The following BRPF1 variants were observed in gnomAD, a reference collection of about 807,000 sequenced individuals.
The protein encoded by BRPF1 is bromodomain and PHD finger containing 1, also known as peregrin.
Under a neutral mutation model 115.0 loss-of-function variants are expected in BRPF1, and 15 were observed. The observed-to-expected ratio is 0.13, with a 90% CI of 0.09 to 0.20. The LOEUF (loss-of-function observed/expected upper bound fraction) is 0.20. Among genes scored for constraint, BRPF1 ranks in the 10% least tolerant of loss-of-function variants. BRPF1 has a pLI of 1.00. For synonymous variants in BRPF1, 647 were observed against 619.8 expected (o/e 1.04, Z -0.65); for missense variants, 1,118 against 1,638.3 (o/e 0.68, Z 5.48).
Position 9,740,966 on chromosome 3 carries a change from C to T in BRPF1, c.1722+25C>T, listed in dbSNP as rs750973515. 1.1e-5 allele frequency: 18 copies of T among 1,599,584 alleles called. No homozygotes were observed. The South Asian group carries it at 1.9e-4, about 17-fold the overall frequency. On this transcript the variant is annotated intron_variant, in intron 4 of 13. Coordinates refer to ENST00000383829, the MANE Select transcript of BRPF1 (RefSeq NM_001003694.2). ...GGTACTGTGTCCAGTTCCCTGTGGG[C>T]TCTGGGAACTAGCGCCAGGGGGACG... is the stretch of plus-strand genomic sequence containing the variant.
In BRPF1 at chr3:9,738,983, C is replaced by G. The variant is rs368199249; in HGVS notation, c.600-16C>G. ...ATCTCAACCATGTGATGCTGAGTTC[C>G]CTGTTTGTACCGTAGGTACATCGAG... On this transcript the variant is annotated splice_polypyrimidine_tract_variant and intron_variant, in intron 2 of 13. Coordinates refer to ENST00000383829, the MANE Select transcript of BRPF1 (RefSeq NM_001003694.2). 40 of 1,527,870 alleles carry G rather than the reference C, an allele frequency of 2.6e-5. No homozygotes were observed. The highest frequency in any genetic ancestry group is 3.3e-5 in the Non-Finnish European group (38 of 1,137,526). 94.6% of individuals were successfully genotyped at this position (1,527,870 alleles called of 1,614,324 possible). A position where few individuals can be genotyped will look rare whatever the true frequency, so the allele number is the denominator to read the frequency against.
intron 6 of BRPF1, chr3:9,742,519 T>G (rs1391381193): frequency 1.0e-6 from 1 of 985,298 alleles, no homozygotes; most frequent in African/African-American, 1.7e-5. Flanking sequence ...AGGTCCTGAC[T>G]GGCAGACTCT....
rs2077077189 is a variant in BRPF1 at position 9,743,948 on chromosome 3, G to T, written c.2635+47G>T. 9 of 1,527,264 alleles carry T rather than the reference G, an allele frequency of 5.9e-6. No homozygotes were observed. The East Asian group carries it at 1.6e-4, about 27-fold the overall frequency. 94.6% of individuals were successfully genotyped at this position (1,527,264 alleles called of 1,614,324 possible). A position where few individuals can be genotyped will look rare whatever the true frequency, so the allele number is the denominator to read the frequency against. On this transcript the variant is annotated intron_variant, in intron 8 of 13. Coordinates refer to ENST00000383829, the MANE Select transcript of BRPF1 (RefSeq NM_001003694.2). The surrounding 1 kb of genome is among the most constrained non-coding windows in gnomAD (Gnocchi z 6.1). ...GGACCCCAAAGCAAGTCAGACTTTG[G>T]CTCTGCAGCACACACTCAACCCCTG...
chr3:9,747,349 A>T lies in BRPF1; in HGVS notation c.3663A>T (p.Ter1221CysextTer9). ...EQSSETSDSD[*>C] is the part of the protein sequence containing the mutation. The stretch of plus-strand genomic sequence containing the variant: ...GCAGTGAGACCAGCGATAGTGATTG[A>T]TACTGCTCAACACAGCCCAACCTAT... Residue 1221 changes from the stop codon to cysteine (C), a stop_lost, in exon 14 of 14, where the codon TGA (stop) becomes TGT (cysteine). Coordinates refer to ENST00000383829, the MANE Select transcript of BRPF1 (RefSeq NM_001003694.2). This position sits in a 1 kb window ranked among gnomAD's most constrained non-coding sequence, Gnocchi z 5.6. 1 of 1,613,396 alleles carries T rather than the reference A, an allele frequency of 6.2e-7. No homozygotes were observed. The highest frequency in any genetic ancestry group is 8.5e-7 in the Non-Finnish European group (1 of 1,179,758).
intron 6 of BRPF1, 141 bp downstream of exon 6, chr3:9,742,312 G>T: frequency 6.7e-7 from 1 of 1,492,184 alleles, no homozygotes; most frequent in Non-Finnish European, 8.9e-7. Context: ...GGAGCCACAT[G>T]TATCACCTGG....
Position 9,746,400 on chromosome 3 carries a change from A to G in BRPF1, c.3425A>G (p.Gln1142Arg), listed in dbSNP as rs780803261. The change falls in exon 13 of 14, where the codon CAG (glutamine) becomes CGG (arginine). Residue 1142 changes from glutamine (Q) to arginine (R), a missense_variant. Coordinates refer to ENST00000383829, the MANE Select transcript of BRPF1 (RefSeq NM_001003694.2). ...EVLKLGEQMT[Q>R]EAREHLYLVL... ...CTGAAACTTGGGGAGCAGATGACCC[A>G]GGAAGCCCGAGAGCATCTCTACCTC... is the stretch of plus-strand genomic sequence containing the variant. 6.2e-7 allele frequency: 1 copy of G among 1,609,116 alleles called. No homozygotes were observed. The highest frequency in any genetic ancestry group is 8.5e-7 in the Non-Finnish European group (1 of 1,176,472).
At position 9,743,482 on chromosome 3, in the gene BRPF1, C is replaced by G. The variant is rs1224363754; in HGVS notation, c.2312-96C>G. ...TTACAGCTGTTCCTGGTGAGAAGCC[C>G]AGGGGGGATGAGTGGGTTTCTTGCT... On this transcript the variant is annotated intron_variant, in intron 7 of 13. Transcript: ENST00000383829. This position sits in a 1 kb window ranked among gnomAD's most constrained non-coding sequence, Gnocchi z 6.1. The G allele has an allele frequency of 7.1e-7, 1 of 1,406,274 alleles. No individual in the cohort carries two copies. Among genetic ancestry groups the G allele is most frequent in the African/African-American group, 1.4e-5 (1 of 69,630 alleles). The allele number at this position is 1,406,274 out of a possible 1,614,324, so 87.1% of individuals were successfully genotyped here.
In BRPF1 at chr3:9,743,878, G is replaced by A; in HGVS notation, c.2612G>A (p.Ser871Asn). The change falls in exon 8 of 14, where the codon AGC (serine) becomes AAC (asparagine). Residue 871 changes from serine (S) to asparagine (N), a missense_variant. Transcript: ENST00000383829. The surrounding 1 kb of genome is among the most constrained non-coding windows in gnomAD (Gnocchi z 6.1). Reference protein sequence around the residue: ...DGQTDSAAEESSSQETSKGLG... With the variant: ...DGQTDSAAEENSSQETSKGLG... ...CAGACAGATAGTGCGGCAGAGGAGA[G>A]CAGCAGCCAGGAGACAAGCAAAGGT... 1 of 1,582,350 alleles carries A rather than the reference G, an allele frequency of 6.3e-7. No homozygotes were observed. Among genetic ancestry groups the A allele is most frequent in the South Asian group, 1.1e-5 (1 of 87,206 alleles).
In BRPF1 at chr3:9,734,473, C is replaced by T. The variant is rs958970931; in HGVS notation, c.333C>T (p.Ser111=). 6.2e-6 allele frequency: 10 copies of T among 1,614,158 alleles called. No individual in the cohort carries two copies. Among genetic ancestry groups the T allele is most frequent in the Non-Finnish European group, 8.5e-6 (10 of 1,180,036 alleles). Reference sequence around the variant, plus strand: ...TGCATGGCCGCGTCCACCGCATCAGCATCTTTGACAACCTGGATGTGGTGT... The same window carrying T: ...TGCATGGCCGCGTCCACCGCATCAGTATCTTTGACAACCTGGATGTGGTGT... ...VDLHGRVHRI[S]IFDNLDVVSE... The change falls in exon 2 of 14, where the codon AGC becomes AGT. Residue 111 remains serine, a synonymous_variant. Coordinates refer to ENST00000383829, the MANE Select transcript of BRPF1 (RefSeq NM_001003694.2). The surrounding 1 kb of genome is among the most constrained non-coding windows in gnomAD (Gnocchi z 5.7).
Position 9,739,375 on chromosome 3 carries a change from C to T in BRPF1, c.976C>T (p.Arg326Cys), listed in dbSNP as rs1385790156. The change falls in exon 3 of 14, where the codon CGT (arginine) becomes TGT (cysteine). Residue 326 changes from arginine (R) to cysteine (C), a missense_variant. Physicochemically the swap from Arg to Cys is radical, Grantham distance 180 (BLOSUM62 -3). Coordinates refer to ENST00000383829, the MANE Select transcript of BRPF1 (RefSeq NM_001003694.2). Reference protein sequence around the residue: ...LCRRCLQSPSRAVDCALCPNK... With the variant: ...LCRRCLQSPSCAVDCALCPNK... ...CCGCCGTTGCCTGCAGTCACCCTCT[C>T]GTGCTGTGGATTGTGCCCTGTGCCC... is the stretch of plus-strand genomic sequence containing the variant. The T allele has an allele frequency of 5.6e-6, 9 of 1,614,216 alleles. No individual in the cohort carries two copies. Among genetic ancestry groups the T allele is most frequent in the East Asian group, 2.2e-5 (1 of 44,878 alleles).
intron 6 of BRPF1, chr3:9,742,685 T>C (rs1255822936): frequency 1.8e-6 from 1 of 551,402 alleles, no homozygotes; most frequent in Non-Finnish European, 2.3e-6. Context: ...CTAGAAAGTA[T>C]ATTTGGCTCT....
intron 2 of BRPF1, among the ~76,000 whole-genome samples, chr3:9,736,101 G>A (rs1344074855): frequency 1.3e-5 from 2 of 150,518 alleles, no homozygotes; most frequent in African/African-American, 4.9e-5. Context: ...GACCTCCACT[G>A]GGTTCAAGCA....
rs199508235 is a variant in BRPF1, at chr3:9,745,824, G to A, written c.3218G>A (p.Ser1073Asn). The A allele has an allele frequency of 3.8e-5, 62 of 1,614,036 alleles. No individual in the cohort carries two copies. The South Asian group carries it at 4.6e-4, about 12-fold the overall frequency. ...CATTCCTGTGAAGTGGTAAGGAAGA[G>A]TCTGGGCCGGGGAGCTGGCTGGCTG... ...RGVGHSMVRKSLGRGAGWLSE... is the reference protein window; with the variant it reads ...RGVGHSMVRKNLGRGAGWLSE... Residue 1073 changes from serine to asparagine, a missense_variant, in exon 12 of 14, where the codon AGT becomes AAT. Ser to Asn is a conservative substitution (Grantham distance 46, BLOSUM62 1). This residue lies in a region of BRPF1 where 100 missense variants were observed against 109.9 expected (regional missense o/e 0.91). Transcript: ENST00000383829. The surrounding 1 kb of genome is among the most constrained non-coding windows in gnomAD (Gnocchi z 5.1).
Position 9,739,880 on chromosome 3 carries a change from TGAA to T in BRPF1, c.1486_1488del (p.Lys496del). On this transcript the variant is annotated inframe_deletion, in exon 3 of 14. Coordinates refer to ENST00000383829, the MANE Select transcript of BRPF1 (RefSeq NM_001003694.2). ...GCCAAGGCCAAGTCCCGGATCAAAA[TGAA>T]GAAGGCACGGAAGATCCTGGCAGAG... is the stretch of plus-strand genomic sequence containing the variant. The T allele has an allele frequency of 1.3e-6, 2 of 1,583,248 alleles. No individual in the cohort carries two copies. The highest frequency in any genetic ancestry group is 1.7e-6 in the Non-Finnish European group (2 of 1,164,728).
In BRPF1 at chr3:9,744,229, G is replaced by C; in HGVS notation, c.2641G>C (p.Gly881Arg). 2 of 1,530,694 alleles carry C rather than the reference G, an allele frequency of 1.3e-6. No homozygotes were observed. Among genetic ancestry groups the C allele is most frequent in the South Asian group, 1.3e-5 (1 of 78,336 alleles). 94.8% of individuals were successfully genotyped at this position (1,530,694 alleles called of 1,614,324 possible). Residue 881 changes from glycine to arginine, a missense_variant, in exon 9 of 14, where the codon GGT becomes CGT. Gly to Arg is a moderately radical substitution (Grantham distance 125). Around this residue, in one of 10 missense-constraint regions of BRPF1, gnomAD observed 223 missense variants for 240.7 expected, o/e 0.93. Transcript: ENST00000383829. ...TCTTTCTTTCTCTGCTCCAGGCCTG[G>C]GTCCCAACATGTCCTCAACCCCCGC... Reference protein sequence around the residue: ...SSSQETSKGLGPNMSSTPAHE... With the variant: ...SSSQETSKGLRPNMSSTPAHE...
At position 9,734,010 on chromosome 3, in the gene BRPF1, G is replaced by A. The variant is rs1575145784; in HGVS notation, c.-10-121G>A. ...AGATGGCATTTGGAGACACTGTAGA[G>A]GTAGGCTGGCCAGAATCTGGTGACT... is the stretch of plus-strand genomic sequence containing the variant. On this transcript the variant is annotated intron_variant, in intron 1 of 13. Transcript: ENST00000383829. This position sits in a 1 kb window ranked among gnomAD's most constrained non-coding sequence, Gnocchi z 5.7. 2 of 1,476,736 alleles carry A rather than the reference G, an allele frequency of 1.4e-6. No homozygotes were observed. Among genetic ancestry groups the A allele is most frequent in the East Asian group, 4.6e-5 (2 of 43,684 alleles). The allele number at this position is 1,476,736 out of a possible 1,614,324, so 91.5% of individuals were successfully genotyped here. A position where few individuals can be genotyped will look rare whatever the true frequency, so the allele number is the denominator to read the frequency against.
Position 9,744,033 on chromosome 3 carries a change from A to C in BRPF1, c.2635+132A>C, listed in dbSNP as rs1003481579. 17 of 1,305,230 alleles carry C rather than the reference A, an allele frequency of 1.3e-5. No homozygotes were observed. The African/African-American group carries it at 2.1e-4, about 16-fold the overall frequency. 80.9% of individuals were successfully genotyped at this position (1,305,230 alleles called of 1,614,324 possible). On this transcript the variant is annotated intron_variant, in intron 8 of 13. Transcript: ENST00000383829. ...AGCTGTACTTTCTCCCTCATTCCCC[A>C]ATCAGGGGCCTCTTAGCTGCCTCTC...
In BRPF1 at chr3:9,745,799, C is replaced by T; in HGVS notation, c.3206-13C>T. The T allele has an allele frequency of 1.9e-6, 3 of 1,613,080 alleles. No individual in the cohort carries two copies. Among genetic ancestry groups the T allele is most frequent in the Non-Finnish European group, 2.5e-6 (3 of 1,179,214 alleles). On this transcript the variant is annotated splice_polypyrimidine_tract_variant and intron_variant, in intron 11 of 13. Coordinates refer to ENST00000383829, the MANE Select transcript of BRPF1 (RefSeq NM_001003694.2). This position sits in a 1 kb window ranked among gnomAD's most constrained non-coding sequence, Gnocchi z 5.1. ...AGCTGCTGATCCACCCCCTCTCCCC[C>T]ATTCCTGTGAAGTGGTAAGGAAGAG... is the stretch of plus-strand genomic sequence containing the variant.
At position 9,743,156 on chromosome 3, in the gene BRPF1, C is replaced by T. The variant is rs776436793; in HGVS notation, c.2214C>T (p.Ala738=). The change falls in exon 7 of 14, where the codon GCC becomes GCT. Residue 738 remains alanine (A), a synonymous_variant. Transcript: ENST00000383829. This position sits in a 1 kb window ranked among gnomAD's most constrained non-coding sequence, Gnocchi z 6.1. The part of the protein sequence containing the change: ...REQGGAVLRQ[A]RRQAEKMGID... Reference sequence around the variant, plus strand: ...AGGGTGGTGCTGTGCTCCGCCAGGCCCGGCGCCAGGCAGAAAAAATGGGCA... The same window carrying T: ...AGGGTGGTGCTGTGCTCCGCCAGGCTCGGCGCCAGGCAGAAAAAATGGGCA... 2 of 1,614,212 alleles carry T rather than the reference C, an allele frequency of 1.2e-6. No homozygotes were observed. Among genetic ancestry groups the T allele is most frequent in the Non-Finnish European group, 1.7e-6 (2 of 1,180,036 alleles).
Sources: allele counts gnomAD v4.1 joint callset (sites outside exome capture counted in the v4.1 genomes callset), GRCh38; gene constraint gnomAD v4.1.1; regional missense constraint gnomAD v4.1.1; non-coding constraint Gnocchi (gnomAD v3.1); transcripts MANE v1.5; gene names NCBI Gene and HGNC (gene_info 2026-07-23, HGNC 2026-07-21).